Variants in MUC7 observed in about 807,000 individuals in gnomAD.
The protein encoded by MUC7 is mucin-7.
Under a neutral mutation model 2.5 loss-of-function variants are expected in MUC7, and 2 were observed. That is an observed-to-expected ratio of 0.81 (90% CI 0.33 to 2.55). The LOEUF (loss-of-function observed/expected upper bound fraction) is 2.55. Ranked by LOEUF, MUC7 falls within the 30% of genes most tolerant of loss-of-function variation. MUC7 has a pLI of 0.11. For missense variants in MUC7, 408 were observed against 455.6 expected (o/e 0.90, Z 0.95); for synonymous variants, 133 against 173.4 (o/e 0.77, Z 1.83).
intron 1 of MUC7, among the ~76,000 whole-genome samples, chr4:70,439,639 C>T (rs974608790): frequency 1.3e-5 from 2 of 151,934 alleles, no homozygotes; most frequent in Non-Finnish European, 2.9e-5. Context: ...ATTTTGTTCA[C>T]ACTTTTCCTC....
chr4:70,443,694 G>T (rs747573810), intron 1 of MUC7, among the ~76,000 whole-genome samples: 1 of 152,024 alleles, frequency 6.6e-6, no homozygotes, highest in Non-Finnish European at 1.5e-5. Context: ...GTACAAAAAT[G>T]ACTAAAATAA....
rs374756129 is a variant in MUC7 at position 70,452,229 on chromosome 4, GGAGAGTTTAGTCCAT to G, written c.-92-19985_-92-19971del. On this transcript the variant is annotated intron_variant, in intron 1 of 3. Coordinates refer to the MUC7 transcript ENST00000413702. ...CTCAGCAATTCTATGTCTTTTGATT[GGAGAGTTTAGTCCAT>G]TTACATTCAATGTTATAATTGATAA... Among the ~76,000 whole-genome samples the G allele has an allele frequency of 2.4e-3, 371 of 152,174 alleles. 2 individuals carry two copies. The highest frequency in any genetic ancestry group is 8.4e-3 in the African/African-American group (350 of 41,520).
chr4:70,456,383 T>C (rs1734413096), intron 1 of MUC7, among the ~76,000 whole-genome samples: 2 of 152,230 alleles, frequency 1.3e-5, no homozygotes, highest in Admixed American at 6.5e-5. Flanking sequence ...CAGGGATTTA[T>C]TAGTCCATTT....
rs1203233561 is a variant in MUC7 at position 70,481,317 on chromosome 4, C to T, written c.573C>T (p.Ala191=). ...SSSAPPETTA[A]PPTPSATTQA... ...CAGCTCCACCAGAGACCACAGCTGC[C>T]CCACCCACACCTTCTGCAACTACAC... Residue 191 remains alanine (A), a synonymous_variant, in exon 3 of 3, where the codon GCC becomes GCT. Coordinates refer to ENST00000304887, the MANE Select transcript of MUC7 (RefSeq NM_152291.3). 6.2e-7 allele frequency: 1 copy of T among 1,612,320 alleles called. No individual in the cohort carries two copies. The highest frequency in any genetic ancestry group is 1.1e-5 in the South Asian group (1 of 90,966).
At chr4:70,439,917 T>C (rs921627508) in intron 1 of MUC7, among the ~76,000 whole-genome samples, 1 of 152,128 alleles carries the variant, frequency 6.6e-6, no homozygotes, top group African/African-American at 2.4e-5. Flanking sequence ...TAATAGAGTT[T>C]ATCTTCACAA....
intron 2 of MUC7, among the ~76,000 whole-genome samples, chr4:70,476,110 G>T (rs767099113): frequency 3.3e-5 from 5 of 152,052 alleles, no homozygotes; most frequent in African/African-American, 1.2e-4. Context: ...TGCTTCACAG[G>T]GCTGCTGAAG....
intron 1 of MUC7, among the ~76,000 whole-genome samples, chr4:70,462,065 G>T (rs1335459923): frequency 6.6e-6 from 1 of 151,994 alleles, no homozygotes; most frequent in African/African-American, 2.4e-5. Flanking sequence ...TTTTTAAAAA[G>T]TAGCCACTCA....
upstream of MUC7, among the ~76,000 whole-genome samples, chr4:70,469,496 G>T (rs2109735523): frequency 6.6e-6 from 1 of 152,234 alleles, no homozygotes; most frequent in South Asian, 2.1e-4. Flanking sequence ...CAAAATTTTT[G>T]CAATCTATCC....
chr4:70,478,709 G>A (rs183991929), intron 2 of MUC7, among the ~76,000 whole-genome samples: 19 of 152,292 alleles, frequency 1.2e-4, no homozygotes, highest in Admixed American at 3.9e-4. Context: ...CCTCAATCCT[G>A]CTTCAGTCAG....
chr4:70,440,553 T>C (rs1460040154), intron 1 of MUC7, among the ~76,000 whole-genome samples: 1 of 152,178 alleles, frequency 6.6e-6, no homozygotes, highest in Non-Finnish European at 1.5e-5. Context: ...AAGGTGACTA[T>C]AGTTTATAAT....
At chr4:70,456,947 G>T (rs1444378081) in intron 1 of MUC7, among the ~76,000 whole-genome samples, 1 of 152,112 alleles carries the variant, frequency 6.6e-6, no homozygotes, top group Non-Finnish European at 1.5e-5. Flanking sequence ...AAAATCAATA[G>T]ACCATGCCCA....
Position 70,480,957 on chromosome 4 carries a change from G to C in MUC7, c.213G>C (p.Arg71Ser), listed in dbSNP as rs773554654. Residue 71 changes from arginine to serine, a missense_variant, in exon 3 of 3, where the codon AGG becomes AGC. Transcript: ENST00000304887. ...KSYKCLHKRCRPKLPPSPNNP... is the reference protein window; with the variant it reads ...KSYKCLHKRCSPKLPPSPNNP... ...ATAAATGTCTGCACAAACGCTGTAG[G>C]CCTAAGCTTCCACCTTCACCTAATA... 4 of 1,614,000 alleles carry C rather than the reference G, an allele frequency of 2.5e-6. No individual in the cohort carries two copies. Among genetic ancestry groups the C allele is most frequent in the Non-Finnish European group, 3.4e-6 (4 of 1,179,992 alleles).
At chr4:70,474,171 A>T in intron 2 of MUC7, 96 bp downstream of exon 2, 1 of 974,940 alleles carries the variant, frequency 1.0e-6, no homozygotes, top group Non-Finnish European at 1.6e-6. Context: ...GGCAACCCCT[A>T]TTTCCAAGAA....
chr4:70,456,207 C>G (rs1278298674), intron 1 of MUC7, among the ~76,000 whole-genome samples: 2 of 152,114 alleles, frequency 1.3e-5, no homozygotes, highest in Non-Finnish European at 2.9e-5. Flanking sequence ...TCCTTGGTAT[C>G]AATTTTCTGG....
At chr4:70,475,919 A>G (rs1254020062) in intron 2 of MUC7, among the ~76,000 whole-genome samples, 1 of 152,122 alleles carries the variant, frequency 6.6e-6, no homozygotes, top group Non-Finnish European at 1.5e-5. Context: ...CCAGAAAACA[A>G]TCAGGCTTTT....
At chr4:70,480,077 A>G (rs982173025) in intron 2 of MUC7, among the ~76,000 whole-genome samples, 10 of 152,210 alleles carry the variant, frequency 6.6e-5, no homozygotes, top group Admixed American at 3.3e-4. Flanking sequence ...AGATGTAAAC[A>G]CCTTTCAGAA....
At chr4:70,468,677 TA>T (rs1029388664), upstream of MUC7, among the ~76,000 whole-genome samples, 1 of 151,986 alleles carries the variant, frequency 6.6e-6, no homozygotes, top group Admixed American at 6.6e-5. Flanking sequence ...GAGAATAAAA[TA>T]CCTAGGAATA....
At chr4:70,447,193 C>A (rs1450611761) in intron 1 of MUC7, among the ~76,000 whole-genome samples, 1 of 152,144 alleles carries the variant, frequency 6.6e-6, no homozygotes, top group Non-Finnish European at 1.5e-5. Context: ...TATTAACAAC[C>A]TTTATTACTT....
At chr4:70,441,728 G>A (rs1180854651) in intron 1 of MUC7, among the ~76,000 whole-genome samples, 1 of 152,190 alleles carries the variant, frequency 6.6e-6, no homozygotes, top group Non-Finnish European at 1.5e-5. Flanking sequence ...TTCACCGTAA[G>A]GCTGCAATCT....
Sources: allele counts gnomAD v4.1 joint callset (sites outside exome capture counted in the v4.1 genomes callset), GRCh38; gene constraint gnomAD v4.1.1; transcripts MANE v1.5; gene names NCBI Gene and HGNC (gene_info 2026-07-23, HGNC 2026-07-21).